The following ERBB2 variants were observed in gnomAD, a reference collection of about 807,000 sequenced individuals.
ERBB2 encodes the protein receptor tyrosine-protein kinase erbB-2.
A neutral mutation model predicts 149.0 loss-of-function variants in ERBB2; 61 were observed. The ratio of observed to expected loss-of-function variants is 0.41; its 90% CI spans 0.33 to 0.51. The LOEUF (loss-of-function observed/expected upper bound fraction) is 0.51. Ranked by LOEUF, ERBB2 falls within the 20% of genes least tolerant of loss-of-function variation. The pLI is 0.25. For synonymous variants in ERBB2, 633 were observed against 678.8 expected (o/e 0.93, Z 1.05); for missense variants, 1,205 against 1,655.1 (o/e 0.73, Z 4.72).
rs750645426 is a variant in ERBB2 at position 39,725,680 on chromosome 17, C to T, written c.2726-27C>T. On this transcript the variant is annotated intron_variant, in intron 22 of 26. Transcript: ENST00000269571. The surrounding 1 kb of genome is among the most constrained non-coding windows in gnomAD (Gnocchi z 4.6). Reference sequence around the variant, plus strand: ...TACACTAAAGCTCCCTCTGGCCCTCCCACTCCTGACCCTGTCTCTGCCTTA... The same window carrying T: ...TACACTAAAGCTCCCTCTGGCCCTCTCACTCCTGACCCTGTCTCTGCCTTA... 3.8e-6 allele frequency: 6 copies of T among 1,590,754 alleles called. No individual in the cohort carries two copies. The highest frequency in any genetic ancestry group is 3.7e-5 in the Admixed American group (2 of 54,780).
intron 9 of ERBB2, among the ~76,000 whole-genome samples, chr17:39,713,613 C>T (rs1196691842): frequency 6.6e-6 from 1 of 151,818 alleles, no homozygotes; most frequent in East Asian, 2.0e-4. Context: ...ATTAGCCAGG[C>T]TTCCTGGCAT....
chr17:39,701,121 C>A (rs187685048), intron 1 of ERBB2, among the ~76,000 whole-genome samples: 110 of 152,154 alleles, frequency 7.2e-4, no homozygotes, highest in Admixed American at 4.5e-3. Flanking sequence ...TGTTCTGCTG[C>A]CTTTTCCTTG....
chr17:39,711,811 G>C, intron 7 of ERBB2, 117 bp from the exon 8 acceptor site: 1 of 1,222,514 alleles, frequency 8.2e-7, no homozygotes, highest in South Asian at 1.3e-5. Flanking sequence ...GCTGATGCGT[G>C]GTAGGGCATT....
upstream of ERBB2, among the ~76,000 whole-genome samples, chr17:39,696,201 C>T (rs1305240765): frequency 1.4e-4 from 21 of 152,296 alleles, no homozygotes; most frequent in Admixed American, 1.4e-3. Context: ...TGTCAGACAC[C>T]AGACGAGGTT....
At chr17:39,694,288 T>TATAC (rs1463644286), upstream of ERBB2, among the ~76,000 whole-genome samples, 2,835 of 60,542 alleles carry the variant, frequency 0.047, 356 homozygotes, top group South Asian at 0.071. Context: ...TATATATATA[T>TATAC]ACACATATAT....
At chr17:39,724,121 C>T in intron 19 of ERBB2, 111 bp downstream of exon 19, 1 of 723,226 alleles carries the variant, frequency 1.4e-6, no homozygotes, top group East Asian at 2.8e-5. Context: ...TCCCGCAAAC[C>T]TAGACTATTT....
At chr17:39,718,626 C>T (rs1439663120) in intron 15 of ERBB2, among the ~76,000 whole-genome samples, 3 of 152,068 alleles carry the variant, frequency 2.0e-5, no homozygotes, top group Non-Finnish European at 4.4e-5. Context: ...AGCGAGACCC[C>T]GTCTCTACTA....
chr17:39,707,351 G>A, intron 2 of ERBB2: 1 of 448,408 alleles, frequency 2.2e-6, no homozygotes. Context: ...CCGAGGTCAT[G>A]TCTGGATGGG....
At chr17:39,696,974 G>A (rs2057876891), upstream of ERBB2, among the ~76,000 whole-genome samples, 3 of 152,194 alleles carry the variant, frequency 2.0e-5, no homozygotes, top group Non-Finnish European at 1.5e-5. Context: ...AGCCAGGTCA[G>A]CGCATCCTCT....
chr17:39,718,724 C>T (rs1283534909), intron 15 of ERBB2, among the ~76,000 whole-genome samples: 4 of 152,152 alleles, frequency 2.6e-5, no homozygotes, highest in South Asian at 2.1e-4. Context: ...TGAGTACAGA[C>T]GGATCTACCA....
In ERBB2 at chr17:39,723,663, C is replaced by T. The variant is rs1468968051; in HGVS notation, c.2208+3C>T. ...GCGCTTTTGGCACAGTCTACAAGGTCAGGGCCAGGTCCTGGGGTGGGCGGC... is the reference window on the plus strand; with the variant it reads ...GCGCTTTTGGCACAGTCTACAAGGTTAGGGCCAGGTCCTGGGGTGGGCGGC... On this transcript the variant is annotated splice_donor_region_variant and intron_variant, in intron 18 of 26. Coordinates refer to ENST00000269571, the MANE Select transcript of ERBB2 (RefSeq NM_004448.4). The surrounding 1 kb of genome is among the most constrained non-coding windows in gnomAD (Gnocchi z 6.2). 1 of 1,600,512 alleles carries T rather than the reference C, an allele frequency of 6.2e-7. No homozygotes were observed. The highest frequency in any genetic ancestry group is 8.5e-7 in the Non-Finnish European group (1 of 1,173,704).
chr17:39,711,871 C>T (rs1046511076), intron 7 of ERBB2, 57 bp from the exon 8 acceptor site: 4 of 1,609,778 alleles, frequency 2.5e-6, no homozygotes, highest in Non-Finnish European at 3.4e-6. Context: ...GGTAATGCTG[C>T]TCATGGTGGT....
chr17:39,714,568 G>A (rs1477892813), intron 9 of ERBB2, among the ~76,000 whole-genome samples: 1 of 152,136 alleles, frequency 6.6e-6, no homozygotes, highest in African/African-American at 2.4e-5. Context: ...AACAGTGCCT[G>A]GCAGATACTA....
upstream of ERBB2, chr17:39,696,392 G>GTTTCT (rs2057864885): frequency 6.6e-6 from 1 of 152,304 alleles, no homozygotes; most frequent in African/African-American, 2.4e-5. Context: ...TTGTCTGCCA[G>GTTTCT]TCCGGGTTTC....
upstream of ERBB2, among the ~76,000 whole-genome samples, chr17:39,693,951 C>T (rs942246015): frequency 4.0e-5 from 6 of 148,800 alleles, no homozygotes; most frequent in Non-Finnish European, 5.9e-5. Flanking sequence ...TTTGGGAGGC[C>T]GAGGTGGGCA....
chr17:39,724,272 A>ATTGTTTTTTTTTTTTTTTTTTTT (rs2059615489), intron 19 of ERBB2, among the ~76,000 whole-genome samples: 1 of 77,016 alleles, frequency 1.3e-5, no homozygotes, highest in Non-Finnish European at 2.7e-5. Context: ...GCGCCCGCTA[A>ATTGTTTTTTTTTTTTTTTTTTTT]TTTTTTTTTT....
chr17:39,698,107 A>G (rs2057908879), upstream of ERBB2, among the ~76,000 whole-genome samples: 1 of 152,164 alleles, frequency 6.6e-6, no homozygotes. Context: ...AGCAATTATT[A>G]TGTGCCAAGT....
intron 14 of ERBB2, among the ~76,000 whole-genome samples, 169 bp downstream of exon 14, chr17:39,716,774 G>A (rs2059155621): frequency 6.6e-6 from 1 of 152,120 alleles, no homozygotes; most frequent in African/African-American, 2.4e-5. Context: ...AAGGGGCCTG[G>A]GGGACACTGG....
At chr17:39,691,934 C>CATATACATATACATATACAT (rs564472045), upstream of ERBB2, among the ~76,000 whole-genome samples, 4 of 120,884 alleles carry the variant, frequency 3.3e-5, no homozygotes, top group African/African-American at 1.4e-4. Flanking sequence ...TATACATATA[C>CATATACATATACATATACAT]ATATATATAT....
Sources: gnomAD v4.1 joint callset for allele counts (sites outside exome capture counted in the v4.1 genomes callset) on GRCh38, gnomAD v4.1.1 for gene constraint, Gnocchi (gnomAD v3.1) non-coding constraint, MANE v1.5 for transcripts, NCBI Gene and HGNC (gene_info 2026-07-23, HGNC 2026-07-21) for gene names.